Variants in TCF3 observed in about 807,000 individuals in gnomAD.
The protein encoded by TCF3 is transcription factor 3.
TCF3 carries 54 observed loss-of-function variants against 72.3 expected under a neutral mutation model. The ratio of observed to expected loss-of-function variants is 0.75; its 90% CI spans 0.60 to 0.94. The LOEUF (loss-of-function observed/expected upper bound fraction) is 0.94, where lower values mean the gene tolerates loss of function less well. TCF3 is among the 40% of genes least tolerant of loss of function. The pLI is 0.00. For missense variants in TCF3, 1,078 were observed against 934.4 expected (o/e 1.15, Z -2.00); for synonymous variants, 525 against 412.6 (o/e 1.27, Z -3.30).
At chr19:1,627,297 G>A (rs2063003616) in intron 6 of TCF3, 62 bp downstream of exon 6, 8 of 1,420,194 alleles carry the variant, frequency 5.6e-6, no homozygotes, top group East Asian at 2.5e-5. Flanking sequence ...GCAGATCAGA[G>A]AGGGTGGGTG....
chr19:1,611,203 AT>A lies in TCF3; in HGVS notation c.*503del, dbSNP rs1275808550. 13 of 262,306 alleles carry A rather than the reference AT, an allele frequency of 5.0e-5. No homozygotes were observed. The highest frequency in any genetic ancestry group is 1.5e-4 in the African/African-American group (7 of 46,294). The allele number at this position is 262,306 out of a possible 1,614,324, so 16.2% of individuals were successfully genotyped here. Reference sequence around the variant, plus strand: ...AATGTTTTTATTTTCCTTAAAAAAAATATTTCGCTTAGGCACAATTTGCTGG... The same window carrying A: ...AATGTTTTTATTTTCCTTAAAAAAAAATTTCGCTTAGGCACAATTTGCTGG... On this transcript the variant is annotated 3_prime_UTR_variant, in exon 19 of 19. Transcript: ENST00000262965.
At chr19:1,641,833 T>C (rs1266750630) in intron 3 of TCF3, among the ~76,000 whole-genome samples, 1 of 151,940 alleles carries the variant, frequency 6.6e-6, no homozygotes, top group East Asian at 1.9e-4. Flanking sequence ...GCTCCGGCAA[T>C]TCTCCCATCT....
At chr19:1,633,189 C>T (rs757702123) in intron 3 of TCF3, among the ~76,000 whole-genome samples, 3 of 152,238 alleles carry the variant, frequency 2.0e-5, no homozygotes, top group Non-Finnish European at 4.4e-5. Context: ...TGCTTGGATC[C>T]TTCCCCCTTC....
intron 3 of TCF3, among the ~76,000 whole-genome samples, chr19:1,640,302 G>T (rs1002732960): frequency 6.6e-6 from 1 of 152,158 alleles, no homozygotes; most frequent in African/African-American, 2.4e-5. Flanking sequence ...TTGGGAGGCC[G>T]AGGCGGGAGG....
intron 3 of TCF3, among the ~76,000 whole-genome samples, chr19:1,645,821 G>C (rs1046327832): frequency 6.6e-6 from 1 of 152,162 alleles, no homozygotes; most frequent in Non-Finnish European, 1.5e-5. Context: ...TCAAAGCCGC[G>C]GGTCCCAGGA....
rs1207341351 is a variant in TCF3, at chr19:1,614,929, T to C, written c.1822+356A>G. 6.6e-6 allele frequency among the ~76,000 whole-genome samples: 1 copy of C among 152,040 alleles called. No homozygotes were observed. Among genetic ancestry groups the C allele is most frequent in the Non-Finnish European group, 1.5e-5 (1 of 67,998 alleles). On this transcript the variant is annotated intron_variant, in intron 18 of 18. Transcript: ENST00000262965. The surrounding 1 kb of genome is among the most constrained non-coding windows in gnomAD (Gnocchi z 5.6). ...TGGGATCGGGGGACACTGGCCTCTG[T>C]GAGCTGGGTTCTGGGCTTCCCAAGA...
intron 3 of TCF3, among the ~76,000 whole-genome samples, chr19:1,642,274 ACG>A (rs1491050219): frequency 4.6e-5 from 7 of 151,586 alleles, no homozygotes; most frequent in Non-Finnish European, 8.9e-5. Context: ...ACGCACGCAC[ACG>A]CACAGACGCG....
intron 3 of TCF3, among the ~76,000 whole-genome samples, chr19:1,634,222 A>G (rs538508181): frequency 7.9e-4 from 120 of 152,268 alleles, no homozygotes; most frequent in African/African-American, 2.8e-3. Context: ...AATCCCCCCC[A>G]CCGATTAATG....
chr19:1,647,844 G>A (rs983819864), intron 2 of TCF3, among the ~76,000 whole-genome samples: 2 of 152,232 alleles, frequency 1.3e-5, no homozygotes, highest in Non-Finnish European at 2.9e-5. Flanking sequence ...ACCCCTTGGA[G>A]CATCAGTTTC....
chr19:1,637,953 A>G (rs2064682039), intron 3 of TCF3, among the ~76,000 whole-genome samples: 1 of 152,198 alleles, frequency 6.6e-6, no homozygotes, highest in African/African-American at 2.4e-5. Context: ...GGAACCCAAC[A>G]TGGAACAAAA....
At chr19:1,613,827 C>A (rs1039090139) in intron 18 of TCF3, among the ~76,000 whole-genome samples, 1 of 152,218 alleles carries the variant, frequency 6.6e-6, no homozygotes, top group African/African-American at 2.4e-5. Flanking sequence ...AAGGCCAGCT[C>A]CCTAGGCCTC....
intron 13 of TCF3, 152 bp downstream of exon 13, chr19:1,620,816 T>C (rs1458754364): frequency 1.5e-5 from 12 of 785,260 alleles, no homozygotes; most frequent in Admixed American, 3.9e-5. Flanking sequence ...TTGGGGGCCA[T>C]CTGCTCCCTC....
At position 1,615,266 on chromosome 19, in the gene TCF3, G is replaced by A; in HGVS notation, c.1822+19C>T. On this transcript the variant is annotated intron_variant, in intron 18 of 18. Coordinates refer to ENST00000262965, the MANE Select transcript of TCF3 (RefSeq NM_003200.5). This position sits in a 1 kb window ranked among gnomAD's most constrained non-coding sequence, Gnocchi z 7.3. ...AGGGTGGCGCTGCAGGGACGCTGGT[G>A]GCCCGCGCCCCCACTGACCTCGCAC... The A allele has an allele frequency of 1.3e-6, 2 of 1,560,990 alleles. No individual in the cohort carries two copies. The highest frequency in any genetic ancestry group is 1.7e-6 in the Non-Finnish European group (2 of 1,149,200).
In TCF3 at chr19:1,622,407, T is replaced by C. The variant is rs11879412; in HGVS notation, c.558A>G (p.Pro186=). 3.8e-3 allele frequency: 4,030 copies of C among 1,050,294 alleles called. 104 individuals are homozygous for C. The African/African-American group carries it at 0.065, about 17-fold the overall frequency. The allele number at this position is 1,050,294 out of a possible 1,614,324, so 65.1% of individuals were successfully genotyped here. The part of the protein sequence containing the change: ...VPPGLPSSVY[P]PSSGEDYGRD... ...TGCCGTAGTCCTCACCTGAGCTGGG[T>C]GGGTACACCTGCGGGCGGGTGGGCG... is the stretch of plus-strand genomic sequence containing the variant. Residue 186 remains proline, a synonymous_variant, in exon 9 of 19, where the codon CCA becomes CCG. Coordinates refer to ENST00000262965, the MANE Select transcript of TCF3 (RefSeq NM_003200.5).
intron 18 of TCF3, among the ~76,000 whole-genome samples, chr19:1,613,862 C>T (rs1469736026): frequency 1.3e-5 from 2 of 152,230 alleles, no homozygotes; most frequent in Non-Finnish European, 1.5e-5. Context: ...TCACTGCCAC[C>T]GTGAATGGTC....
At chr19:1,648,236 G>C (rs979031022) in intron 2 of TCF3, among the ~76,000 whole-genome samples, 2 of 152,214 alleles carry the variant, frequency 1.3e-5, no homozygotes, top group South Asian at 4.1e-4. Context: ...ACCCAGCCTC[G>C]GCAGGGGCAG....
chr19:1,621,666 A>C (rs1222376408), intron 11 of TCF3, among the ~76,000 whole-genome samples, 172 bp downstream of exon 11: 1 of 152,194 alleles, frequency 6.6e-6, no homozygotes, highest in Non-Finnish European at 1.5e-5. Flanking sequence ...TCCCAAGCCC[A>C]ACGCACGTGG....
chr19:1,631,065 G>A (rs577083103), intron 5 of TCF3, among the ~76,000 whole-genome samples: 9 of 152,326 alleles, frequency 5.9e-5, no homozygotes, highest in South Asian at 2.1e-4. Flanking sequence ...AGCCTGCAGC[G>A]GGGCTGGAAT....
At chr19:1,612,181 G>C in intron 18 of TCF3, 1 of 1,551,730 alleles carries the variant, frequency 6.4e-7, no homozygotes. Flanking sequence ...AGAGGGTGCT[G>C]GGGCAGCCCT....
Sources: gnomAD v4.1 joint callset for allele counts (sites outside exome capture counted in the v4.1 genomes callset) on GRCh38, gnomAD v4.1.1 for gene constraint, Gnocchi (gnomAD v3.1) non-coding constraint, MANE v1.5 for transcripts, NCBI Gene and HGNC (gene_info 2026-07-23, HGNC 2026-07-21) for gene names.